The following DIAPH3 variants were observed in gnomAD, a reference collection of about 807,000 sequenced individuals.
The protein encoded by DIAPH3 is diaphanous related formin 3.
In DIAPH3, 117 loss-of-function variants were observed where a neutral mutation model predicts 144.3. The ratio of observed to expected loss-of-function variants is 0.81; its 90% CI spans 0.70 to 0.95. DIAPH3 has a LOEUF of 0.95. Among genes scored for constraint, DIAPH3 ranks in the 40% least tolerant of loss-of-function variants. The pLI, the probability that DIAPH3 is intolerant of heterozygous loss-of-function variation, is 0.00. For synonymous variants in DIAPH3, 519 were observed against 488.9 expected (o/e 1.06, Z -0.81); for missense variants, 1,421 against 1,412.7 (o/e 1.01, Z -0.09).
In DIAPH3 at chr13:59,885,536, G is replaced by A. The variant is rs190443005; in HGVS notation, c.2368-6068C>T. Among the ~76,000 whole-genome samples the A allele has an allele frequency of 4.4e-4, 65 of 148,498 alleles. 1 individual carries two copies. In the East Asian group the frequency reaches 0.013, roughly 29 times the overall value. On this transcript the variant is annotated intron_variant, in intron 20 of 27. Transcript: ENST00000400324. ...TTCCTTTTTATTAATAGATTTCCAT[G>A]CAAGAATATACCAAAATTTGTGTAT...
chr13:60,077,436 G>A (rs1249470235), intron 4 of DIAPH3, among the ~76,000 whole-genome samples: 1 of 151,976 alleles, frequency 6.6e-6, no homozygotes. Flanking sequence ...GAGATAATAT[G>A]AGCCTCCCAG....
intron 27 of DIAPH3, among the ~76,000 whole-genome samples, chr13:59,712,617 C>G (rs1199902796): frequency 6.6e-6 from 1 of 152,232 alleles, no homozygotes; most frequent in African/African-American, 2.4e-5. Context: ...TTATTCAGCT[C>G]TCACTTAAAT....
chr13:59,986,988 T>A (rs1421554322), intron 12 of DIAPH3, among the ~76,000 whole-genome samples: 1 of 151,478 alleles, frequency 6.6e-6, no homozygotes, highest in Non-Finnish European at 1.5e-5. Flanking sequence ...TATACCCAAA[T>A]GACTATAAAT....
chr13:59,801,563 A>G (rs942622696), intron 25 of DIAPH3, among the ~76,000 whole-genome samples: 3 of 152,208 alleles, frequency 2.0e-5, no homozygotes, highest in Non-Finnish European at 4.4e-5. Context: ...TGGAAGTTCT[A>G]TGATGGCAAT....
At position 60,132,974 on chromosome 13, in the gene DIAPH3, T is replaced by C; in HGVS notation, c.196A>G (p.Thr66Ala). The change falls in exon 2 of 28, where the codon ACA (threonine) becomes GCA (alanine). Residue 66 changes from threonine (T) to alanine (A), a missense_variant. Thr to Ala is a moderately conservative substitution (Grantham distance 58). Transcript: ENST00000400324. Reference protein sequence around the residue: ...KRPKFHLNIRTLTDDMLDKFA... With the variant: ...KRPKFHLNIRALTDDMLDKFA... ...AATCTTACCATATCATCCGTCAGTGTCCTAATATTTAAATGCTGCAAATTA... is the reference window on the plus strand; with the variant it reads ...AATCTTACCATATCATCCGTCAGTGCCCTAATATTTAAATGCTGCAAATTA... 6.2e-7 allele frequency: 1 copy of C among 1,607,426 alleles called. No homozygotes were observed.
rs1223596928 is a variant in DIAPH3 at position 60,152,735 on chromosome 13, ATTT to A, written c.180+10849_180+10851del. 4.6e-5 allele frequency among the ~76,000 whole-genome samples: 7 copies of A among 152,132 alleles called. No individual in the cohort carries two copies. The South Asian group carries it at 1.0e-3, about 23-fold the overall frequency. ...GTATGATACATACATGATAAAATAT[ATTT>A]TTTTAAAGATTGCAAGTTTCTTATT... On this transcript the variant is annotated intron_variant, in intron 1 of 27. Coordinates refer to ENST00000400324, the MANE Select transcript of DIAPH3 (RefSeq NM_001042517.2).
At chr13:59,778,301 A>G (rs1566295849) in intron 25 of DIAPH3, among the ~76,000 whole-genome samples, 1 of 152,154 alleles carries the variant, frequency 6.6e-6, no homozygotes, top group African/African-American at 2.4e-5. Flanking sequence ...TTACAATGTT[A>G]TATTGTTTAT....
intron 14 of DIAPH3, among the ~76,000 whole-genome samples, chr13:59,977,006 T>A (rs770118029): frequency 5.3e-5 from 8 of 151,846 alleles, no homozygotes; most frequent in Non-Finnish European, 8.8e-5. Context: ...ATTATAATCA[T>A]TACTATCTAA....
At position 59,845,724 on chromosome 13, in the gene DIAPH3, C is replaced by G. The variant is rs536564187; in HGVS notation, c.2738-6276G>C. ...TTCATAATTTACAAGGAATCAAAAA[C>G]TACAGCAAGTACACAGGTAAAGTGC... On this transcript the variant is annotated intron_variant, in intron 22 of 27. Coordinates refer to ENST00000400324, the MANE Select transcript of DIAPH3 (RefSeq NM_001042517.2). Among the ~76,000 whole-genome samples the G allele has an allele frequency of 1.6e-4, 25 of 152,342 alleles. No homozygotes were observed. The East Asian group carries it at 3.7e-3, about 22-fold the overall frequency.
In DIAPH3 at chr13:60,098,964, C is replaced by A. The variant is rs567481411; in HGVS notation, c.391-5232G>T. Among the ~76,000 whole-genome samples, 4 of 152,230 alleles carry A rather than the reference C, an allele frequency of 2.6e-5. No homozygotes were observed. In the East Asian group the frequency reaches 5.8e-4, roughly 22 times the overall value. On this transcript the variant is annotated intron_variant, in intron 3 of 27. Transcript: ENST00000400324. ...CATGGATATATGAAATAAATCTCTA[C>A]CCTTTAAATGGAAAAATCTTATCAA...
chr13:59,928,319 T>A (rs2047854092), intron 17 of DIAPH3, among the ~76,000 whole-genome samples: 1 of 152,186 alleles, frequency 6.6e-6, no homozygotes, highest in African/African-American at 2.4e-5. Flanking sequence ...ACTTGTGTTC[T>A]CTGCGCTTCA....
In DIAPH3 at chr13:60,148,941, G is replaced by C. The variant is rs145548718; in HGVS notation, c.180+14646C>G. Among the ~76,000 whole-genome samples, 440 of 152,292 alleles carry C rather than the reference G, an allele frequency of 2.9e-3. 2 individuals are homozygous for C. The highest frequency in any genetic ancestry group is 0.01 in the African/African-American group (429 of 41,560). ...ACCTCTTGAAATCAAGGACCAAATT[G>C]CATCTACCCGTGTGCTATGCTCAGT... is the stretch of plus-strand genomic sequence containing the variant. On this transcript the variant is annotated intron_variant, in intron 1 of 27. Transcript: ENST00000400324.
chr13:60,129,562 T>C (rs1219670272), intron 2 of DIAPH3, among the ~76,000 whole-genome samples: 3 of 152,218 alleles, frequency 2.0e-5, no homozygotes, highest in African/African-American at 7.2e-5. Context: ...GTTTTTAACA[T>C]TAATGCTTCC....
At position 60,076,384 on chromosome 13, in the gene DIAPH3, T is replaced by C. The variant is rs530041134; in HGVS notation, c.495+17244A>G. On this transcript the variant is annotated intron_variant, in intron 4 of 27. Coordinates refer to ENST00000400324, the MANE Select transcript of DIAPH3 (RefSeq NM_001042517.2). ...AAATTACTGTGAACCTTATCTTGTA[T>C]AGTTTCAAAGTAGATGACAGGCTAA... Among the ~76,000 whole-genome samples the C allele has an allele frequency of 1.3e-4, 20 of 152,290 alleles. No individual in the cohort carries two copies. The South Asian group carries it at 4.2e-3, about 32-fold the overall frequency.
intron 4 of DIAPH3, among the ~76,000 whole-genome samples, chr13:60,084,462 C>T (rs1263790185): frequency 1.3e-5 from 2 of 151,784 alleles, no homozygotes; most frequent in Non-Finnish European, 1.5e-5. Context: ...AAGATATCTT[C>T]CAGACCTAAA....
chr13:59,891,910 A>G (rs1303696981), intron 20 of DIAPH3, among the ~76,000 whole-genome samples: 2 of 152,022 alleles, frequency 1.3e-5, no homozygotes, highest in Non-Finnish European at 2.9e-5. Flanking sequence ...TTATATGAAA[A>G]TGAGACTTAA....
intron 3 of DIAPH3, among the ~76,000 whole-genome samples, chr13:60,101,793 T>C (rs2058275699): frequency 6.6e-6 from 1 of 152,102 alleles, no homozygotes; most frequent in Admixed American, 6.6e-5. Context: ...ACCTCAATCT[T>C]CCATCTTGCC....
intron 27 of DIAPH3, among the ~76,000 whole-genome samples, chr13:59,740,311 CTA>C (rs2036385194): frequency 6.6e-6 from 1 of 152,134 alleles, no homozygotes; most frequent in Non-Finnish European, 1.5e-5. Context: ...CATATTATAC[CTA>C]TGAGACTGTA....
At chr13:59,845,465 C>T (rs563235204) in intron 22 of DIAPH3, among the ~76,000 whole-genome samples, 213 of 152,284 alleles carry the variant, frequency 1.4e-3, no homozygotes, top group African/African-American at 4.8e-3. Flanking sequence ...AGTAAAGCTG[C>T]CCCTTTCCTG....
Sources: allele counts gnomAD v4.1 joint callset (sites outside exome capture counted in the v4.1 genomes callset), GRCh38; gene constraint gnomAD v4.1.1; transcripts MANE v1.5; gene names NCBI Gene and HGNC (gene_info 2026-07-23, HGNC 2026-07-21).